The following TSPAN9 variants were observed in gnomAD, a reference collection of about 807,000 sequenced individuals.
TSPAN9 encodes the protein tetraspanin-9.
TSPAN9 carries 16 observed loss-of-function variants against 31.0 expected under a neutral mutation model. The ratio of observed to expected loss-of-function variants is 0.52; its 90% CI spans 0.35 to 0.78. The LOEUF is 0.78. Ranked by LOEUF, TSPAN9 falls within the 30% of genes least tolerant of loss-of-function variation. The pLI is 0.01. For synonymous variants in TSPAN9, 145 were observed against 121.6 expected, an observed-to-expected ratio of 1.19 and a Z score of -1.27; for missense variants, 272 against 312.5, an observed-to-expected ratio of 0.87 and a Z score of 0.98.
chr12:3,110,799 A>G (rs2098318180), intron 2 of TSPAN9, among the ~76,000 whole-genome samples: 1 of 152,232 alleles, frequency 6.6e-6, no homozygotes, highest in Non-Finnish European at 1.5e-5. Context: ...ATATGCAAGT[A>G]TTTAGCATTG....
chr12:3,199,436 C>T (rs1362993135), intron 2 of TSPAN9, among the ~76,000 whole-genome samples: 1 of 152,244 alleles, frequency 6.6e-6, no homozygotes, highest in Non-Finnish European at 1.5e-5. Context: ...GACTTCTGCA[C>T]TAGCCCAAGG....
At chr12:3,210,262 C>A (rs770567642) in intron 3 of TSPAN9, among the ~76,000 whole-genome samples, 195 of 152,322 alleles carry the variant, frequency 1.3e-3, no homozygotes, top group Non-Finnish European at 2.0e-3. Context: ...TACCTGCCAC[C>A]TTTCCTAGAT....
chr12:3,212,249 C>T (rs2098379132), intron 3 of TSPAN9, among the ~76,000 whole-genome samples: 1 of 152,088 alleles, frequency 6.6e-6, no homozygotes, highest in Non-Finnish European at 1.5e-5. Flanking sequence ...GGATTACAGG[C>T]GTGAGCCACC....
At chr12:3,162,462 A>G (rs961587059) in intron 2 of TSPAN9, among the ~76,000 whole-genome samples, 6 of 152,092 alleles carry the variant, frequency 3.9e-5, no homozygotes, top group African/African-American at 1.4e-4. Context: ...CCTGGCTGAG[A>G]GACCTGCAGG....
intron 3 of TSPAN9, among the ~76,000 whole-genome samples, chr12:3,218,819 G>C (rs1036144781): frequency 2.6e-5 from 4 of 152,140 alleles, no homozygotes; most frequent in Admixed American, 2.6e-4. Flanking sequence ...AAATGCATCT[G>C]GCTGGAATCT....
chr12:3,153,114 C>T (rs1248261359), intron 2 of TSPAN9, among the ~76,000 whole-genome samples: 2 of 152,208 alleles, frequency 1.3e-5, no homozygotes, highest in Admixed American at 1.3e-4. Flanking sequence ...TTGAAGCCCT[C>T]TTCAGACTGA....
At chr12:3,256,087 C>G (rs919681611) in intron 3 of TSPAN9, among the ~76,000 whole-genome samples, 4 of 140,230 alleles carry the variant, frequency 2.9e-5, no homozygotes, top group African/African-American at 1.0e-4. Context: ...ATAAATACCC[C>G]ACTCCCACCC....
intron 3 of TSPAN9, among the ~76,000 whole-genome samples, chr12:3,238,696 A>G (rs1272038705): frequency 6.6e-6 from 1 of 152,162 alleles, no homozygotes; most frequent in Non-Finnish European, 1.5e-5. Flanking sequence ...CGGGGTAAAG[A>G]TTCTCTCTTT....
intron 3 of TSPAN9, among the ~76,000 whole-genome samples, chr12:3,252,469 G>T (rs1034763976): frequency 6.6e-6 from 1 of 152,216 alleles, no homozygotes; most frequent in Non-Finnish European, 1.5e-5. Context: ...CAGCCCCTGG[G>T]CTCCCCCCAG....
At chr12:3,162,770 G>C (rs2098346110) in intron 2 of TSPAN9, among the ~76,000 whole-genome samples, 1 of 152,186 alleles carries the variant, frequency 6.6e-6, no homozygotes, top group South Asian at 2.1e-4. Context: ...AATGAAACAA[G>C]TTATGGTTAT....
At position 3,201,185 on chromosome 12, in the gene TSPAN9, A is replaced by C. The variant is rs780746219; in HGVS notation, c.-9A>C. On this transcript the variant is annotated 5_prime_UTR_variant, in exon 3 of 9. Transcript: ENST00000011898. ...CTTTGTGTTCCTCCTAGAATTTAAG[A>C]AGTGCAACATGGCCAGGGGCTGCCT... The C allele has an allele frequency of 6.2e-6, 10 of 1,613,878 alleles. No homozygotes were observed. Among genetic ancestry groups the C allele is most frequent in the Non-Finnish European group, 8.5e-6 (10 of 1,179,908 alleles).
At chr12:3,242,319 G>C (rs1210920716) in intron 3 of TSPAN9, among the ~76,000 whole-genome samples, 1 of 152,252 alleles carries the variant, frequency 6.6e-6, no homozygotes, top group East Asian at 1.9e-4. Flanking sequence ...CTCTAGGCTG[G>C]TGTGGGTGTG....
At chr12:3,154,754 C>T (rs1476925397) in intron 2 of TSPAN9, among the ~76,000 whole-genome samples, 2 of 152,220 alleles carry the variant, frequency 1.3e-5, no homozygotes, top group Non-Finnish European at 2.9e-5. Context: ...CTTAGCCTGA[C>T]TTCGGTCCTG....
At chr12:3,135,621 T>G (rs1056982311) in intron 2 of TSPAN9, among the ~76,000 whole-genome samples, 15 of 152,194 alleles carry the variant, frequency 9.9e-5, no homozygotes, top group Non-Finnish European at 2.1e-4. Flanking sequence ...GGCTTGTTGC[T>G]GTTCTTACTG....
At chr12:3,220,402 C>G (rs1315823935) in intron 3 of TSPAN9, among the ~76,000 whole-genome samples, 1 of 152,196 alleles carries the variant, frequency 6.6e-6, no homozygotes, top group Non-Finnish European at 1.5e-5. Context: ...AGGCGTGGGT[C>G]TAGGGTGCAT....
chr12:3,139,505 C>T (rs1477393277), intron 2 of TSPAN9, among the ~76,000 whole-genome samples: 1 of 152,200 alleles, frequency 6.6e-6, no homozygotes, highest in African/African-American at 2.4e-5. Flanking sequence ...CTTGACCTGG[C>T]CCTTGGCCTA....
At chr12:3,154,815 C>T (rs2098341435) in intron 2 of TSPAN9, among the ~76,000 whole-genome samples, 1 of 152,246 alleles carries the variant, frequency 6.6e-6, no homozygotes, top group Non-Finnish European at 1.5e-5. Context: ...TCACATGGAC[C>T]TGCCATGATT....
At chr12:3,247,089 G>A (rs1862150512) in intron 3 of TSPAN9, among the ~76,000 whole-genome samples, 1 of 152,134 alleles carries the variant, frequency 6.6e-6, no homozygotes, top group Admixed American at 6.5e-5. Flanking sequence ...CACATGGAAG[G>A]CACCCAGGAC....
At chr12:3,095,746 G>A (rs1375283720) in intron 2 of TSPAN9, among the ~76,000 whole-genome samples, 1 of 151,550 alleles carries the variant, frequency 6.6e-6, no homozygotes, top group Non-Finnish European at 1.5e-5. Context: ...TGGGCGGCCG[G>A]GCAGAGACGC....
Sources: gnomAD v4.1 joint callset for allele counts (sites outside exome capture counted in the v4.1 genomes callset) on GRCh38, gnomAD v4.1.1 for gene constraint, MANE v1.5 for transcripts, NCBI Gene and HGNC (gene_info 2026-07-23, HGNC 2026-07-21) for gene names.